SKIC3: variants seen among roughly 807,000 people sequenced by gnomAD.
SKIC3 encodes superkiller complex protein 3.
the SKIC3 span, among the ~76,000 whole-genome samples, chr5:95,522,971 A>G: frequency 3.9e-5 from 6 of 152,162 alleles, no homozygotes; most frequent in Non-Finnish European, 5.9e-5. Flanking sequence ...ACTACTATAC[A>G]TATGTATTAA....
At chr5:95,478,315 G>T in the SKIC3 span, 1 of 1,613,874 alleles carries the variant, frequency 6.2e-7, no homozygotes, top group East Asian at 2.2e-5. Context: ...TGCAAGTAGT[G>T]CTAGTCTCAA....
the SKIC3 span, chr5:95,512,366 C>T: frequency 1.5e-6 from 2 of 1,300,612 alleles, no homozygotes; most frequent in African/African-American, 1.5e-5. Flanking sequence ...AAGGCAAATT[C>T]ATGTCTTAAA....
At chr5:95,522,316 T>C in the SKIC3 span, 6 of 1,612,568 alleles carry the variant, frequency 3.7e-6, no homozygotes, top group Non-Finnish European at 5.1e-6. Context: ...AACTAAAATT[T>C]AAAAAACCGT....
the SKIC3 span, chr5:95,484,868 T>C: frequency 1.2e-6 from 2 of 1,612,280 alleles, no homozygotes; most frequent in East Asian, 2.2e-5. Flanking sequence ...AATGTCAATG[T>C]TACTTTCTTC....
the SKIC3 span, among the ~76,000 whole-genome samples, chr5:95,512,091 A>G: frequency 6.6e-6 from 1 of 152,312 alleles, no homozygotes; most frequent in South Asian, 2.1e-4. Context: ...AGGTATTGTT[A>G]TATCCACTAT....
the SKIC3 span, among the ~76,000 whole-genome samples, chr5:95,519,034 AT>A: frequency 6.6e-6 from 1 of 151,390 alleles, no homozygotes; most frequent in Non-Finnish European, 1.5e-5. Flanking sequence ...TGTGGTTTTG[AT>A]TTGCATTTTC....
chr5:95,542,705 T>G, the SKIC3 span, among the ~76,000 whole-genome samples: 1 of 152,286 alleles, frequency 6.6e-6, no homozygotes, highest in East Asian at 1.9e-4. Flanking sequence ...AAGGTGTGAC[T>G]GAGATACCAA....
At chr5:95,492,591 C>CCCG in the SKIC3 span, among the ~76,000 whole-genome samples, 1 of 99,854 alleles carries the variant, frequency 1.0e-5, no homozygotes, top group Non-Finnish European at 2.1e-5. Flanking sequence ...GAGCCGAGAT[C>CCCG]CCGCCACTGC....
At chr5:95,469,084 T>C in the SKIC3 span, among the ~76,000 whole-genome samples, 4 of 152,216 alleles carry the variant, frequency 2.6e-5, no homozygotes, top group Non-Finnish European at 4.4e-5. Context: ...ACCATACCTA[T>C]TCTGTTCCAG....
At chr5:95,507,523 C>T in the SKIC3 span, among the ~76,000 whole-genome samples, 1 of 152,168 alleles carries the variant, frequency 6.6e-6, no homozygotes, top group African/African-American at 2.4e-5. Flanking sequence ...CGTGTATTTC[C>T]TTCTCATGCT....
the SKIC3 span, among the ~76,000 whole-genome samples, chr5:95,487,010 G>C: frequency 6.6e-6 from 1 of 152,212 alleles, no homozygotes; most frequent in Non-Finnish European, 1.5e-5. Flanking sequence ...TGCCAAAAGA[G>C]AATAACATGT....
At chr5:95,500,771 AC>A in the SKIC3 span, among the ~76,000 whole-genome samples, 1 of 152,198 alleles carries the variant, frequency 6.6e-6, no homozygotes, top group South Asian at 2.1e-4. Context: ...CATTTAAATG[AC>A]CTTATATAAC....
chr5:95,532,945 C>A, the SKIC3 span, among the ~76,000 whole-genome samples: 2 of 152,018 alleles, frequency 1.3e-5, no homozygotes, highest in Non-Finnish European at 2.9e-5. Flanking sequence ...TCTAATTTTT[C>A]TTTTAAATAA....
chr5:95,470,267 C>T, the SKIC3 span, among the ~76,000 whole-genome samples: 1 of 152,106 alleles, frequency 6.6e-6, no homozygotes, highest in Admixed American at 6.5e-5. Flanking sequence ...CGTGAGCCAC[C>T]GCGCCCGGCC....
At chr5:95,514,159 T>A in the SKIC3 span, among the ~76,000 whole-genome samples, 1 of 152,182 alleles carries the variant, frequency 6.6e-6, no homozygotes, top group Non-Finnish European at 1.5e-5. Flanking sequence ...AAACCCTGAT[T>A]AATAATTTTC....
chr5:95,511,953 C>T, the SKIC3 span, among the ~76,000 whole-genome samples: 4 of 152,242 alleles, frequency 2.6e-5, no homozygotes, highest in Non-Finnish European at 5.9e-5. Flanking sequence ...ACTCTGTCAA[C>T]TTCCTAAACC....
chr5:95,504,020 T>A, the SKIC3 span: 1 of 1,437,820 alleles, frequency 7.0e-7, no homozygotes. Flanking sequence ...ATAATTACAC[T>A]AAGTTGGGCC....
At chr5:95,547,214 C>T in the SKIC3 span, 1 of 1,467,204 alleles carries the variant, frequency 6.8e-7, no homozygotes, top group Non-Finnish European at 9.5e-7. Context: ...AATGTTCCAA[C>T]AAACTTAGCC....
At chr5:95,482,610 G>A in the SKIC3 span, 1 of 1,613,978 alleles carries the variant, frequency 6.2e-7, no homozygotes. Context: ...ACGGCTGGCT[G>A]ATCAGGGTTA....
Sources: gnomAD v4.1 joint callset for allele counts (sites outside exome capture counted in the v4.1 genomes callset) on GRCh38, gnomAD v4.1.1 for gene constraint, MANE v1.5 for transcripts, NCBI Gene and HGNC (gene_info 2026-07-23, HGNC 2026-07-21) for gene names.